Variants in AGO4 observed in about 807,000 individuals in gnomAD.
AGO4 encodes the protein argonaute RISC component 4, also known as protein argonaute-4.
A neutral mutation model predicts 104.7 loss-of-function variants in AGO4; 33 were observed. The observed-to-expected ratio is 0.32, with a 90% confidence interval of 0.24 to 0.42. The LOEUF (loss-of-function observed/expected upper bound fraction) is 0.42, where lower values mean the gene tolerates loss of function less well. Ranked by LOEUF, AGO4 falls within the 10% of genes least tolerant of loss-of-function variation. AGO4 has a pLI of 1.00. For missense variants in AGO4, 711 were observed against 1,083.4 expected, an observed-to-expected ratio of 0.66 and a Z score of 4.83; for synonymous variants, 331 against 364.7, an observed-to-expected ratio of 0.91 and a Z score of 1.05.
At chr1:35,829,192 A>C (rs1644113474) in intron 7 of AGO4, among the ~76,000 whole-genome samples, 1 of 152,126 alleles carries the variant, frequency 6.6e-6, no homozygotes. Flanking sequence ...GCATTATTTC[A>C]GTCTGATTGG....
intron 2 of AGO4, among the ~76,000 whole-genome samples, chr1:35,818,052 T>C (rs1643767155): frequency 6.6e-6 from 1 of 152,202 alleles, no homozygotes; most frequent in African/African-American, 2.4e-5. Context: ...ACAAAACATG[T>C]ATTTTATTAG....
At chr1:35,833,247 C>A (rs1557566941) in intron 11 of AGO4, among the ~76,000 whole-genome samples, 1 of 151,882 alleles carries the variant, frequency 6.6e-6, no homozygotes, top group Non-Finnish European at 1.5e-5. Context: ...CCACTGCACT[C>A]CAGCCTCGCG....
At chr1:35,835,197 C>T (rs1644282450) in intron 12 of AGO4, among the ~76,000 whole-genome samples, 1 of 151,986 alleles carries the variant, frequency 6.6e-6, no homozygotes, top group Admixed American at 6.6e-5. Flanking sequence ...ACTGGGACTA[C>T]AGGCACGTGC....
At chr1:35,850,518 G>C (rs1222168116) in intron 16 of AGO4, among the ~76,000 whole-genome samples, 1 of 151,822 alleles carries the variant, frequency 6.6e-6, no homozygotes, top group Non-Finnish European at 1.5e-5. Context: ...GGTGGCTCAC[G>C]CTTGTAATCC....
chr1:35,825,103 T>C (rs1643982746), intron 3 of AGO4, among the ~76,000 whole-genome samples: 2 of 152,232 alleles, frequency 1.3e-5, no homozygotes, highest in Non-Finnish European at 2.9e-5. Context: ...ATCCATGTTA[T>C]AACATCTACC....
Position 35,841,167 on chromosome 1 carries a change from C to T in AGO4, c.1727C>T (p.Pro576Leu), listed in dbSNP as rs1457907570. The change falls in exon 14 of 18, where the codon CCC becomes CTC. Residue 576 changes from proline (P) to leucine (L), a missense_variant and splice_region_variant. Pro to Leu is a moderately conservative substitution (Grantham distance 98). Around this residue, in one of 3 missense-constraint regions of AGO4, gnomAD observed 401 missense variants for 665.5 expected, o/e 0.60. Transcript: ENST00000373210. This position sits in a 1 kb window ranked among gnomAD's most constrained non-coding sequence, Gnocchi z 4.7. The stretch of plus-strand genomic sequence containing the variant: ...AACATCTCCTTAAATCTGAGCAGGC[C>T]CTCGGTGTTCCAGCAGCCTGTCATC... Reference protein sequence around the residue: ...INNVLVPHQRPSVFQQPVIFL... With the variant: ...INNVLVPHQRLSVFQQPVIFL... 6.2e-7 allele frequency: 1 copy of T among 1,608,552 alleles called. No homozygotes were observed. Among genetic ancestry groups the T allele is most frequent in the East Asian group, 2.2e-5 (1 of 44,682 alleles).
intron 13 of AGO4, among the ~76,000 whole-genome samples, chr1:35,839,985 G>T (rs1035936742): frequency 3.3e-5 from 5 of 151,472 alleles, no homozygotes; most frequent in African/African-American, 9.7e-5. Flanking sequence ...AAAAAAAAGG[G>T]TATTGTTTTG....
intron 1 of AGO4, among the ~76,000 whole-genome samples, chr1:35,815,728 G>A (rs1032794098): frequency 5.9e-5 from 9 of 152,062 alleles, no homozygotes; most frequent in African/African-American, 1.7e-4. Flanking sequence ...CTTTGTTGTG[G>A]GGGGCTATCT....
chr1:35,854,010 T>C lies in AGO4; in HGVS notation c.*405T>C, dbSNP rs1436193274. The stretch of plus-strand genomic sequence containing the variant: ...TCATTGAGTGGGGTATATGCATAAG[T>C]GGGAGAGAAAAACCAAACAATCTAC... On this transcript the variant is annotated 3_prime_UTR_variant, in exon 18 of 18. Transcript: ENST00000373210. 1 of 153,956 alleles carries C rather than the reference T, an allele frequency of 6.5e-6. No individual in the cohort carries two copies. Among genetic ancestry groups the C allele is most frequent in the African/African-American group, 2.4e-5 (1 of 41,478 alleles). 9.5% of individuals were successfully genotyped at this position (153,956 alleles called of 1,614,324 possible).
intron 13 of AGO4, among the ~76,000 whole-genome samples, chr1:35,838,219 A>T: frequency 6.6e-6 from 1 of 151,988 alleles, no homozygotes; most frequent in East Asian, 1.9e-4. Context: ...TACTCGGCTA[A>T]TTTTTGTATT....
chr1:35,848,170 G>A (rs1644617658), intron 15 of AGO4, among the ~76,000 whole-genome samples: 1 of 152,160 alleles, frequency 6.6e-6, no homozygotes, highest in African/African-American at 2.4e-5. Context: ...CATATAAATA[G>A]AATCATAGCC....
chr1:35,811,271 C>T, intron 1 of AGO4, among the ~76,000 whole-genome samples: 1 of 151,836 alleles, frequency 6.6e-6, no homozygotes, highest in East Asian at 1.9e-4. Flanking sequence ...GTTAGGAGTT[C>T]AAGACCAGCC....
intron 7 of AGO4, among the ~76,000 whole-genome samples, chr1:35,829,032 C>A (rs1040722036): frequency 1.6e-5 from 2 of 128,228 alleles, no homozygotes. Flanking sequence ...CCCCCCCCCC[C>A]ACACACACAC....
chr1:35,857,313 TAAAGG>T lies in AGO4; in HGVS notation c.*3713_*3717del, dbSNP rs1220235265. On this transcript the variant is annotated 3_prime_UTR_variant, in exon 18 of 18. Transcript: ENST00000373210. Reference sequence around the variant, plus strand: ...CTCCAAGAAGTTTTCCTTGTAAAATTAAAGGAAAGATCTTGTTATTGATTAACCAT... The same window carrying T: ...CTCCAAGAAGTTTTCCTTGTAAAATTAAAGATCTTGTTATTGATTAACCAT... 6.6e-6 allele frequency: 1 copy of T among 152,220 alleles called. No homozygotes were observed. Among genetic ancestry groups the T allele is most frequent in the Non-Finnish European group, 1.5e-5 (1 of 68,028 alleles). The allele number at this position is 152,220 out of a possible 1,614,324, so 9.4% of individuals were successfully genotyped here.
intron 15 of AGO4, among the ~76,000 whole-genome samples, chr1:35,846,604 G>GATATATATATAT (rs72414122): frequency 4.0e-4 from 56 of 140,710 alleles, no homozygotes; most frequent in African/African-American, 1.4e-3. Flanking sequence ...CTCAAAAAAA[G>GATATATATATAT]ATATATATAT....
intron 11 of AGO4, 46 bp from the exon 12 acceptor site, chr1:35,833,943 TG>T: frequency 7.4e-7 from 1 of 1,353,894 alleles, no homozygotes; most frequent in Non-Finnish European, 9.7e-7. Flanking sequence ...ATGCTAGAAA[TG>T]TACTCTGAAA....
chr1:35,843,198 T>C (rs1644489965), intron 15 of AGO4, among the ~76,000 whole-genome samples: 1 of 152,094 alleles, frequency 6.6e-6, no homozygotes, highest in African/African-American at 2.4e-5. Context: ...CCTGAGTAGC[T>C]GGGATTATAG....
Position 35,841,542 on chromosome 1 carries a change from T to G in AGO4, c.2040+62T>G. On this transcript the variant is annotated intron_variant, in intron 14 of 17. Transcript: ENST00000373210. This position sits in a 1 kb window ranked among gnomAD's most constrained non-coding sequence, Gnocchi z 4.7. ...AGGAGTCTGAGGGAGATTCCTCTCA[T>G]CTACCATTCTGGGTAGATCTGAGAG... is the stretch of plus-strand genomic sequence containing the variant. 1 of 1,609,260 alleles carries G rather than the reference T, an allele frequency of 6.2e-7. No homozygotes were observed. Among genetic ancestry groups the G allele is most frequent in the South Asian group, 1.1e-5 (1 of 90,916 alleles).
At chr1:35,819,840 T>A (rs1465076207) in intron 2 of AGO4, among the ~76,000 whole-genome samples, 2 of 149,436 alleles carry the variant, frequency 1.3e-5, no homozygotes, top group Non-Finnish European at 3.0e-5. Flanking sequence ...GTATTAAGGT[T>A]GGATTCAGGG....
Sources: gnomAD v4.1 joint callset for allele counts (sites outside exome capture counted in the v4.1 genomes callset) on GRCh38, gnomAD v4.1.1 for gene constraint, gnomAD v4.1.1 regional missense constraint, Gnocchi (gnomAD v3.1) non-coding constraint, MANE v1.5 for transcripts, NCBI Gene and HGNC (gene_info 2026-07-23, HGNC 2026-07-21) for gene names.